The following RSU1 variants were observed in gnomAD, a reference collection of about 807,000 sequenced individuals.
The protein encoded by RSU1 is Ras suppressor protein 1, also known as rsu-1.
A neutral mutation model predicts 31.1 loss-of-function variants in RSU1; 26 were observed. The ratio of observed to expected loss-of-function variants is 0.84; its 90% CI spans 0.61 to 1.16. The LOEUF (loss-of-function observed/expected upper bound fraction) is 1.16, where lower values mean the gene tolerates loss of function less well. Ranked by LOEUF, RSU1 falls within the 50% of genes most tolerant of loss-of-function variation. The pLI, the probability that RSU1 is intolerant of heterozygous loss-of-function variation, is 0.00. For synonymous variants in RSU1, 164 were observed against 136.3 expected (o/e 1.20, Z -1.41); for missense variants, 320 against 339.1 (o/e 0.94, Z 0.44).
intron 8 of RSU1, among the ~76,000 whole-genome samples, chr10:16,627,531 A>C (rs1237829926): frequency 6.6e-6 from 1 of 152,166 alleles, no homozygotes; most frequent in Non-Finnish European, 1.5e-5. Context: ...AGGCAGGTGG[A>C]TCACTTGAGG....
chr10:16,619,568 A>C (rs1307018756), intron 8 of RSU1, among the ~76,000 whole-genome samples: 1 of 152,206 alleles, frequency 6.6e-6, no homozygotes, highest in African/African-American at 2.4e-5. Flanking sequence ...GGGTTCCCTA[A>C]GGAAGTGCCT....
intron 8 of RSU1, among the ~76,000 whole-genome samples, chr10:16,644,023 T>C (rs1362024657): frequency 1.3e-5 from 2 of 151,798 alleles, no homozygotes; most frequent in Non-Finnish European, 2.9e-5. Context: ...AGGATGTGCA[T>C]AGGTTACATG....
chr10:16,593,976 C>T (rs2131448747), intron 8 of RSU1, among the ~76,000 whole-genome samples: 1 of 152,350 alleles, frequency 6.6e-6, no homozygotes, highest in African/African-American at 2.4e-5. Context: ...GGCCACCACA[C>T]ATCAATGCCA....
rs1381351445 is a variant in RSU1, at chr10:16,817,009, G to C, written c.73C>G (p.Arg25Gly). The C allele has an allele frequency of 6.2e-7, 1 of 1,614,082 alleles. No homozygotes were observed. The highest frequency in any genetic ancestry group is 1.1e-5 in the South Asian group (1 of 91,088). ...ACATCCAGCATGTTGGAGATGCCCCGGTCACTCATGTCCACCTCGGGCTGG... is the reference window on the plus strand; with the variant it reads ...ACATCCAGCATGTTGGAGATGCCCCCGTCACTCATGTCCACCTCGGGCTGG... ...KNQPEVDMSDRGISNMLDVNG... is the reference protein window; with the variant it reads ...KNQPEVDMSDGGISNMLDVNG... Residue 25 changes from arginine to glycine, a missense_variant, in exon 2 of 9, where the codon CGG becomes GGG. Arg to Gly is a moderately radical substitution (Grantham distance 125). Coordinates refer to ENST00000345264, the MANE Select transcript of RSU1 (RefSeq NM_012425.4).
intron 8 of RSU1, among the ~76,000 whole-genome samples, chr10:16,675,413 T>C (rs1317838146): frequency 2.6e-5 from 4 of 152,142 alleles, no homozygotes; most frequent in Admixed American, 1.3e-4. Context: ...CCCACACTTC[T>C]TTTTTTCTTT....
intron 7 of RSU1, among the ~76,000 whole-genome samples, chr10:16,702,276 T>A (rs1469137640): frequency 6.6e-6 from 1 of 152,218 alleles, no homozygotes; most frequent in Non-Finnish European, 1.5e-5. Context: ...AATATGGGGT[T>A]GGAGCCCAGA....
At chr10:16,791,104 G>A (rs370708309) in intron 2 of RSU1, among the ~76,000 whole-genome samples, 5 of 152,206 alleles carry the variant, frequency 3.3e-5, no homozygotes, top group African/African-American at 1.2e-4. Flanking sequence ...TTGGCTCACT[G>A]TAACCTCCAC....
At chr10:16,712,712 A>G (rs75406185) in intron 7 of RSU1, among the ~76,000 whole-genome samples, 1,978 of 152,228 alleles carry the variant, frequency 0.013, 50 homozygotes, top group African/African-American at 0.045. Context: ...TTTGACTTCT[A>G]AGTCTTCATA....
At position 16,591,742 on chromosome 10, in the gene RSU1, T is replaced by C. The variant is rs919872956; in HGVS notation, c.*1652A>G. On this transcript the variant is annotated 3_prime_UTR_variant, in exon 9 of 9. Transcript: ENST00000345264. ...ATAAGAGCCCTTCATATTGTTAGAT[T>C]TTTACTAATGCTTTCTTGCTGGTTT... The C allele has an allele frequency of 6.6e-6, 1 of 152,198 alleles. No homozygotes were observed. The highest frequency in any genetic ancestry group is 2.4e-5 in the African/African-American group (1 of 41,430). The allele number at this position is 152,198 out of a possible 1,614,324, so 9.4% of individuals were successfully genotyped here. A position where few individuals can be genotyped will look rare whatever the true frequency, so the allele number is the denominator to read the frequency against.
chr10:16,593,434 T>C lies in RSU1; in HGVS notation c.794A>G (p.Lys265Arg), dbSNP rs1189845706. 1 of 1,614,136 alleles carries C rather than the reference T, an allele frequency of 6.2e-7. No individual in the cohort carries two copies. Among genetic ancestry groups the C allele is most frequent in the Admixed American group, 1.7e-5 (1 of 60,016 alleles). The change falls in exon 9 of 9, where the codon AAA becomes AGA. Residue 265 changes from lysine (K) to arginine (R), a missense_variant. Lys to Arg is a conservative substitution (Grantham distance 26). Transcript: ENST00000345264. ...EPPKKNNDKSKKISRKPLAAK... is the reference protein window; with the variant it reads ...EPPKKNNDKSRKISRKPLAAK... ...TGCCAGGGGTTTCCGGCTGATCTTTTTCGATTTGTCATTATTCTTCTTCGG... is the reference window on the plus strand; with the variant it reads ...TGCCAGGGGTTTCCGGCTGATCTTTCTCGATTTGTCATTATTCTTCTTCGG...
In RSU1 at chr10:16,729,304, A is replaced by G. The variant is rs189247105; in HGVS notation, c.598+23235T>C. ...TTGCAAAAACAAAAATACACTTCCA[A>G]TTCAGACCCACAAAATGAGCACTCT... is the stretch of plus-strand genomic sequence containing the variant. On this transcript the variant is annotated intron_variant, in intron 7 of 8. Coordinates refer to ENST00000345264, the MANE Select transcript of RSU1 (RefSeq NM_012425.4). Among the ~76,000 whole-genome samples, 4 of 152,332 alleles carry G rather than the reference A, an allele frequency of 2.6e-5. No homozygotes were observed. In the East Asian group the frequency reaches 7.7e-4, roughly 29 times the overall value.
rs554474844 is a variant in RSU1 at position 16,645,501 on chromosome 10, A to T, written c.731+49522T>A. Among the ~76,000 whole-genome samples, 4 of 152,194 alleles carry T rather than the reference A, an allele frequency of 2.6e-5. No homozygotes were observed. In the Middle Eastern group the frequency reaches 0.014, roughly 518 times the overall value. The stretch of plus-strand genomic sequence containing the variant: ...CTAGGATAGTCACTTCATCTCTCAT[A>T]AATCAAAGATTACAAGTCACAATGT... On this transcript the variant is annotated intron_variant, in intron 8 of 8. Transcript: ENST00000345264.
chr10:16,793,345 T>C (rs1407941949), intron 2 of RSU1, among the ~76,000 whole-genome samples: 4 of 152,046 alleles, frequency 2.6e-5, no homozygotes, highest in East Asian at 1.9e-4. Flanking sequence ...GACAAAACAA[T>C]TGAACATAAA....
intron 7 of RSU1, among the ~76,000 whole-genome samples, chr10:16,733,506 G>C (rs942146308): frequency 6.6e-6 from 1 of 151,788 alleles, no homozygotes. Flanking sequence ...AGACTCTGTC[G>C]CAAAACAAAC....
At chr10:16,686,414 G>A (rs1021936294) in intron 8 of RSU1, among the ~76,000 whole-genome samples, 1 of 152,098 alleles carries the variant, frequency 6.6e-6, no homozygotes, top group African/African-American at 2.4e-5. Context: ...ACTTCAGTGA[G>A]GTCAATATCC....
At chr10:16,785,280 G>C (rs901046506) in intron 2 of RSU1, among the ~76,000 whole-genome samples, 8 of 151,910 alleles carry the variant, frequency 5.3e-5, no homozygotes, top group Non-Finnish European at 1.0e-4. Flanking sequence ...TGGACTCCAA[G>C]TTCTTCACCT....
intron 3 of RSU1, among the ~76,000 whole-genome samples, chr10:16,766,113 T>C (rs1445453556): frequency 6.6e-6 from 1 of 152,222 alleles, no homozygotes; most frequent in Non-Finnish European, 1.5e-5. Flanking sequence ...AGAGATGCTT[T>C]CACTGGAAGA....
chr10:16,757,482 G>A (rs188048796), intron 4 of RSU1, among the ~76,000 whole-genome samples: 33 of 152,244 alleles, frequency 2.2e-4, no homozygotes, highest in African/African-American at 6.5e-4. Flanking sequence ...CTACCTCCAC[G>A]ACTATCTACT....
chr10:16,760,915 C>G (rs188857292), intron 4 of RSU1, among the ~76,000 whole-genome samples: 2 of 152,170 alleles, frequency 1.3e-5, no homozygotes, highest in East Asian at 1.9e-4. Flanking sequence ...TCTCAAGGGT[C>G]AGTATAAAAT....
Sources: allele counts gnomAD v4.1 joint callset (sites outside exome capture counted in the v4.1 genomes callset), GRCh38; gene constraint gnomAD v4.1.1; transcripts MANE v1.5; gene names NCBI Gene and HGNC (gene_info 2026-07-23, HGNC 2026-07-21).